The following CNTNAP3 variants were observed in gnomAD, a reference collection of about 807,000 sequenced individuals.
CNTNAP3 encodes contactin-associated protein-like 3.
CNTNAP3 carries 36 observed loss-of-function variants against 92.1 expected under a neutral mutation model. The observed-to-expected ratio is 0.39, with a 90% CI of 0.30 to 0.52. The LOEUF (loss-of-function observed/expected upper bound fraction) is 0.52, where lower values mean the gene tolerates loss of function less well. CNTNAP3 is among the 20% of genes least tolerant of loss of function. The probability of loss-of-function intolerance (pLI) is 0.76; values close to 1 mark genes in which losing one functional copy is unlikely to be tolerated. For synonymous variants in CNTNAP3, 232 were observed against 422.3 expected, an observed-to-expected ratio of 0.55 and a Z score of 5.53; for missense variants, 534 against 1,069.6, an observed-to-expected ratio of 0.50 and a Z score of 6.98.
In CNTNAP3 at chr9:39,132,042, G is replaced by A. The variant is rs529006420; in HGVS notation, c.2080+890C>T. Among the ~76,000 whole-genome samples, 26 of 151,946 alleles carry A rather than the reference G, an allele frequency of 1.7e-4. No homozygotes were observed. In the South Asian group the frequency reaches 5.2e-3, roughly 30 times the overall value. ...ACATATACTGTTTTTGTTTTTTTAA[G>A]ACAAGGTGTTGCTCTGCTGCCCAAG... is the stretch of plus-strand genomic sequence containing the variant. On this transcript the variant is annotated intron_variant, in intron 13 of 23. Coordinates refer to ENST00000297668, the MANE Select transcript of CNTNAP3 (RefSeq NM_033655.5).
chr9:39,086,476 TA>T, intron 20 of CNTNAP3: 1 of 539,616 alleles, frequency 1.9e-6, no homozygotes, highest in Non-Finnish European at 3.1e-6. Flanking sequence ...TTTTAAATAG[TA>T]AAATATTAAT....
chr9:39,067,244 T>C lies in CNTNAP3; in HGVS notation c.*6646A>G, dbSNP rs1361509031. ...TCCTAATCTTTGAAAATACGGAATA[T>C]AGTCATAATATTTTTCATTAGTAAT... On this transcript the variant is annotated 3_prime_UTR_variant, in exon 24 of 24. Coordinates refer to ENST00000297668, the MANE Select transcript of CNTNAP3 (RefSeq NM_033655.5). Among the ~76,000 whole-genome samples the C allele has an allele frequency of 6.6e-6, 1 of 152,308 alleles. No homozygotes were observed. Among genetic ancestry groups the C allele is most frequent in the Non-Finnish European group, 1.5e-5 (1 of 68,054 alleles).
At chr9:39,096,969 CTT>C (rs1363468321) in intron 18 of CNTNAP3, among the ~76,000 whole-genome samples, 2 of 149,654 alleles carry the variant, frequency 1.3e-5, no homozygotes, top group African/African-American at 4.9e-5. Flanking sequence ...TTTTCTGATC[CTT>C]TCTCTCTCTC....
chr9:39,113,588 C>T (rs1820764735), intron 14 of CNTNAP3, among the ~76,000 whole-genome samples: 1 of 151,706 alleles, frequency 6.6e-6, no homozygotes, highest in African/African-American at 2.4e-5. Context: ...GTTTCTTTTC[C>T]AAACTTTTTA....
intron 3 of CNTNAP3, among the ~76,000 whole-genome samples, chr9:39,227,024 C>T (rs1260808138): frequency 1.6e-4 from 1 of 6,116 alleles, no homozygotes; most frequent in East Asian, 0.013. Flanking sequence ...ATTGTGAATA[C>T]TGCCATGATG....
chr9:39,144,218 G>A lies in CNTNAP3; in HGVS notation c.1756+22C>T, dbSNP rs368576413. The A allele has an allele frequency of 6.3e-6, 10 of 1,575,890 alleles. No homozygotes were observed. In the East Asian group the frequency reaches 6.9e-5, roughly 11 times the overall value. ...ATGACAAAGAGATGCTGACAGAAAC[G>A]AGAGGGAGGCGTGAGGCTTACAGGA... On this transcript the variant is annotated intron_variant, in intron 11 of 23. Coordinates refer to ENST00000297668, the MANE Select transcript of CNTNAP3 (RefSeq NM_033655.5).
At position 39,098,645 on chromosome 9, in the gene CNTNAP3, G is replaced by A. The variant is rs570899827; in HGVS notation, c.2995+1266C>T. On this transcript the variant is annotated intron_variant, in intron 18 of 23. Transcript: ENST00000297668. The stretch of plus-strand genomic sequence containing the variant: ...TGATGTTGGCTTGAGATATAAAAAG[G>A]GCTCTGTATTTGCACCAGAGCTATG... 2.3e-3 allele frequency among the ~76,000 whole-genome samples: 350 copies of A among 152,208 alleles called. 2 individuals carry two copies. The highest frequency in any genetic ancestry group is 7.9e-3 in the African/African-American group (330 of 41,516).
chr9:39,121,017 C>CATAT lies in CNTNAP3; in HGVS notation c.2081-2759_2081-2758insATAT, dbSNP rs1821007136. Among the ~76,000 whole-genome samples the CATAT allele has an allele frequency of 2.0e-5, 3 of 151,914 alleles. No individual in the cohort carries two copies. In the South Asian group the frequency reaches 6.2e-4, roughly 31 times the overall value. On this transcript the variant is annotated intron_variant, in intron 13 of 23. Transcript: ENST00000297668. ...ATGAGAGTGAAGATATTTAAGTTGA[C>CATAT]TGTGGTAAGTCACATATGTAAACTA... is the stretch of plus-strand genomic sequence containing the variant.
At chr9:39,149,611 CGCA>C (rs1821791584) in intron 10 of CNTNAP3, among the ~76,000 whole-genome samples, 192 bp downstream of exon 10, 1 of 151,862 alleles carries the variant, frequency 6.6e-6, no homozygotes, top group African/African-American at 2.4e-5. Context: ...CAGCCTCAGC[CGCA>C]TTACAGGTGT....
chr9:39,128,404 A>T (rs1202594032), intron 13 of CNTNAP3, among the ~76,000 whole-genome samples: 2 of 152,056 alleles, frequency 1.3e-5, no homozygotes, highest in African/African-American at 4.8e-5. Context: ...ATTATGGCAA[A>T]ATGGGAGTTG....
chr9:39,083,683 T>G (rs1826000131), intron 21 of CNTNAP3, among the ~76,000 whole-genome samples: 1 of 152,248 alleles, frequency 6.6e-6, no homozygotes. Flanking sequence ...CATGTGCACA[T>G]GTACACACAC....
At chr9:39,136,163 T>TAATAATAATAATAAA (rs1821428012) in intron 12 of CNTNAP3, among the ~76,000 whole-genome samples, 1 of 141,422 alleles carries the variant, frequency 7.1e-6, no homozygotes, top group African/African-American at 2.6e-5. Flanking sequence ...ATAATAATAA[T>TAATAATAATAATAAA]AAAAATAATA....
chr9:39,217,383 T>TAC lies in CNTNAP3; in HGVS notation c.390+21609_390+21610insGT, dbSNP rs1554653672. ...GTATATATATATATATATATATATA[T>TAC]ATATATATATATATATATTCATTGT... On this transcript the variant is annotated intron_variant, in intron 3 of 23. Transcript: ENST00000297668. 1.2e-4 allele frequency among the ~76,000 whole-genome samples: 3 copies of TAC among 24,698 alleles called. 1 individual carries two copies. The highest frequency in any genetic ancestry group is 1.9e-4 in the African/African-American group (3 of 15,490). 16.2% of individuals were successfully genotyped at this position (24,698 alleles called of 152,430 possible). A position where few individuals can be genotyped will look rare whatever the true frequency, so the allele number is the denominator to read the frequency against.
intron 12 of CNTNAP3, among the ~76,000 whole-genome samples, chr9:39,134,064 C>A (rs1228351338): frequency 6.6e-6 from 1 of 152,212 alleles, no homozygotes; most frequent in Non-Finnish European, 1.5e-5. Context: ...CAGCCCTTCA[C>A]ATCTCAGGAT....
intron 17 of CNTNAP3, among the ~76,000 whole-genome samples, chr9:39,101,269 G>C (rs1826450461): frequency 6.6e-6 from 1 of 151,226 alleles, no homozygotes; most frequent in African/African-American, 2.4e-5. Context: ...ATACATACGT[G>C]GGTTCACGTG....
In CNTNAP3 at chr9:39,066,321, C is replaced by T. The variant is rs1825508509; in HGVS notation, c.*7569G>A. Among the ~76,000 whole-genome samples, 1 of 152,274 alleles carries T rather than the reference C, an allele frequency of 6.6e-6. No individual in the cohort carries two copies. The highest frequency in any genetic ancestry group is 2.4e-5 in the African/African-American group (1 of 41,548). The stretch of plus-strand genomic sequence containing the variant: ...GTCATATATTTTACTTTTACTCATG[C>T]TGCAGAACTCACATGACACTGCTAT... On this transcript the variant is annotated 3_prime_UTR_variant, in exon 24 of 24. Coordinates refer to ENST00000297668, the MANE Select transcript of CNTNAP3 (RefSeq NM_033655.5).
In CNTNAP3 at chr9:39,071,000, G is replaced by A. The variant is rs1458274005; in HGVS notation, c.*2890C>T. 2.0e-5 allele frequency among the ~76,000 whole-genome samples: 3 copies of A among 152,252 alleles called. No individual in the cohort carries two copies. The highest frequency in any genetic ancestry group is 1.5e-5 in the Non-Finnish European group (1 of 68,020). On this transcript the variant is annotated 3_prime_UTR_variant, in exon 24 of 24. Transcript: ENST00000297668. ...TATGGATTGAAGTTAAGAGAGAGAAGTGCCAGGAGTTCAGTCCACGCATGA... is the reference window on the plus strand; with the variant it reads ...TATGGATTGAAGTTAAGAGAGAGAAATGCCAGGAGTTCAGTCCACGCATGA...
At chr9:39,149,463 C>T (rs1821787214) in intron 10 of CNTNAP3, among the ~76,000 whole-genome samples, 1 of 151,904 alleles carries the variant, frequency 6.6e-6, no homozygotes, top group Non-Finnish European at 1.5e-5. Context: ...CATTCTCCTG[C>T]CTCAGCCTCC....
chr9:39,116,484 CTT>C (rs1820861687), intron 14 of CNTNAP3, among the ~76,000 whole-genome samples: 1 of 152,152 alleles, frequency 6.6e-6, no homozygotes, highest in Non-Finnish European at 1.5e-5. Context: ...ATACCAGACA[CTT>C]TAAAATGTAC....
Sources: allele counts gnomAD v4.1 joint callset (sites outside exome capture counted in the v4.1 genomes callset), GRCh38; gene constraint gnomAD v4.1.1; transcripts MANE v1.5; gene names NCBI Gene and HGNC (gene_info 2026-07-23, HGNC 2026-07-21).